The following NCAPD3 variants were observed in gnomAD, a reference collection of about 807,000 sequenced individuals.
NCAPD3 encodes the protein non-SMC condensin II complex subunit D3, also known as condensin-2 complex subunit D3.
NCAPD3 carries 105 observed loss-of-function variants against 182.9 expected under a neutral mutation model. The ratio of observed to expected loss-of-function variants is 0.57; its 90% CI spans 0.49 to 0.68. The LOEUF is 0.68. Among genes scored for constraint, NCAPD3 ranks in the 30% least tolerant of loss-of-function variants. The pLI is 0.00. For missense variants in NCAPD3, 1,944 were observed against 1,837.0 expected (o/e 1.06, Z -1.07); for synonymous variants, 815 against 679.9 (o/e 1.20, Z -3.09).
intron 3 of NCAPD3, among the ~76,000 whole-genome samples, chr11:134,213,337 T>C (rs1474398522): frequency 1.3e-5 from 2 of 151,390 alleles, no homozygotes; most frequent in Non-Finnish European, 2.9e-5. Context: ...CTTTTTTTTT[T>C]CTGAGACAGA....
At chr11:134,187,532 G>C (rs574966668) in intron 16 of NCAPD3, among the ~76,000 whole-genome samples, 8 of 152,190 alleles carry the variant, frequency 5.3e-5, no homozygotes, top group Non-Finnish European at 8.8e-5. Context: ...AGATTTCATA[G>C]AGCCTTCTGG....
At chr11:134,187,689 G>A (rs1293940199) in intron 16 of NCAPD3, among the ~76,000 whole-genome samples, 3 of 152,142 alleles carry the variant, frequency 2.0e-5, no homozygotes, top group Non-Finnish European at 4.4e-5. Flanking sequence ...AGGACAAAGA[G>A]GAAGAAATAA....
At position 134,166,851 on chromosome 11, in the gene NCAPD3, ACT is replaced by A. The variant is rs199661172; in HGVS notation, c.3573+1143_3573+1144del. Among the ~76,000 whole-genome samples, 9 of 117,866 alleles carry A rather than the reference ACT, an allele frequency of 7.6e-5. No homozygotes were observed. The East Asian group carries it at 2.3e-3, about 30-fold the overall frequency. 77.3% of individuals were successfully genotyped at this position (117,866 alleles called of 152,430 possible). On this transcript the variant is annotated intron_variant, in intron 27 of 34. Coordinates refer to ENST00000534548, the MANE Select transcript of NCAPD3 (RefSeq NM_015261.3). ...TGAGATGAGCTTGGGGGAGGCGCAC[ACT>A]CATGAGAGGAGCTTAGGGGAGGCGC...
At chr11:134,168,273 T>TG (rs780323502) in intron 26 of NCAPD3, 78 bp from the exon 27 acceptor site, 77 of 1,474,962 alleles carry the variant, frequency 5.2e-5, no homozygotes, top group Non-Finnish European at 7.0e-5. Flanking sequence ...TTCCCACAAC[T>TG]GGGGGGCCAT....
intron 32 of NCAPD3, among the ~76,000 whole-genome samples, chr11:134,155,624 C>A (rs909102925): frequency 2.6e-5 from 4 of 152,164 alleles, no homozygotes; most frequent in Non-Finnish European, 5.9e-5. Flanking sequence ...AGGAAACAAC[C>A]CAACACTGAC....
In NCAPD3 at chr11:134,220,611, G is replaced by T; in HGVS notation, c.180C>A (p.Ser60Arg). Reference sequence around the variant, plus strand: ...GTTCTCCAGTAGCAAAGGGTAAAAGGCTTTCATAGAGTTTTGTGAATGCAG... The same window carrying T: ...GTTCTCCAGTAGCAAAGGGTAAAAGTCTTTCATAGAGTTTTGTGAATGCAG... ...GLAAFTKLYE[S>R]LLPFATGEHG... Residue 60 changes from serine (S) to arginine (R), a missense_variant, in exon 2 of 35, where the codon AGC (serine) becomes AGA (arginine). By Grantham distance (110) the Ser-to-Arg change is moderately radical. Coordinates refer to ENST00000534548, the MANE Select transcript of NCAPD3 (RefSeq NM_015261.3). 1 of 1,613,966 alleles carries T rather than the reference G, an allele frequency of 6.2e-7. No homozygotes were observed.
intron 27 of NCAPD3, among the ~76,000 whole-genome samples, chr11:134,167,402 ACT>A (rs563424927): frequency 4.2e-4 from 42 of 100,996 alleles, no homozygotes; most frequent in African/African-American, 1.5e-3. Flanking sequence ...GGAGCTGCAC[ACT>A]CACTTGTGAG....
At position 134,161,826 on chromosome 11, in the gene NCAPD3, C is replaced by G; in HGVS notation, c.3639G>C (p.Glu1213Asp). The change falls in exon 28 of 35, where the codon GAG becomes GAC. Residue 1213 changes from glutamate to aspartate, a missense_variant. Transcript: ENST00000534548. The part of the protein sequence containing the change: ...PIIISLKTVL[E>D]KNKIPALREL... ...CCCGCAAAGCTGGGATCTTATTTTT[C>G]TCCAGCACAGTCTTCAGGGAGATGA... 1 of 1,595,980 alleles carries G rather than the reference C, an allele frequency of 6.3e-7. No homozygotes were observed. Among genetic ancestry groups the G allele is most frequent in the Non-Finnish European group, 8.6e-7 (1 of 1,166,642 alleles).
chr11:134,214,215 A>T (rs1281233288), intron 3 of NCAPD3, among the ~76,000 whole-genome samples: 1 of 152,192 alleles, frequency 6.6e-6, no homozygotes, highest in Non-Finnish European at 1.5e-5. Flanking sequence ...TCATAATCAT[A>T]TGAAGTATGT....
intron 16 of NCAPD3, among the ~76,000 whole-genome samples, chr11:134,186,366 T>TTCTC (rs374144345): frequency 1.3e-5 from 2 of 151,428 alleles, no homozygotes; most frequent in Non-Finnish European, 2.9e-5. Context: ...CCTGGCTAAT[T>TTCTC]TCTCTCTCTC....
Position 134,153,383 on chromosome 11 carries a change from C to G in NCAPD3, c.4253-20G>C. The G allele has an allele frequency of 6.2e-7, 1 of 1,613,536 alleles. No individual in the cohort carries two copies. The highest frequency in any genetic ancestry group is 8.5e-7 in the Non-Finnish European group (1 of 1,179,580). ...TGCTCTCTGCATAAAGAGGAGACAC[C>G]ACTGAGTGAAAGCCGCGTGGTCTAT... On this transcript the variant is annotated intron_variant, in intron 32 of 34. Coordinates refer to ENST00000534548, the MANE Select transcript of NCAPD3 (RefSeq NM_015261.3).
intron 19 of NCAPD3, among the ~76,000 whole-genome samples, chr11:134,183,638 T>C (rs1284153805): frequency 6.6e-6 from 1 of 152,160 alleles, no homozygotes; most frequent in Non-Finnish European, 1.5e-5. Flanking sequence ...AATCAAATAA[T>C]GCAAGTATCC....
chr11:134,212,435 C>T (rs562966985), intron 3 of NCAPD3, among the ~76,000 whole-genome samples: 13 of 145,038 alleles, frequency 9.0e-5, no homozygotes, highest in African/African-American at 3.4e-4. Context: ...GATCTGTTGC[C>T]CAGGCTGAAG....
chr11:134,204,058 G>C lies in NCAPD3; in HGVS notation c.1203C>G (p.Ser401=), dbSNP rs1291276737. The part of the protein sequence containing the change: ...AMFIAWLYKY[S]RSSKIPHRVF... ...AGCTATCTCCTACCTTGGAACTTCG[G>C]GAGTATTTGTAAAGCCAGGCAATGA... Residue 401 remains serine (S), a synonymous_variant, in exon 10 of 35, where the codon TCC becomes TCG. Transcript: ENST00000534548. This position sits in a 1 kb window ranked among gnomAD's most constrained non-coding sequence, Gnocchi z 4.3. 3.1e-6 allele frequency: 5 copies of C among 1,613,982 alleles called. No homozygotes were observed. The African/African-American group carries it at 5.3e-5, about 17-fold the overall frequency.
intron 15 of NCAPD3, among the ~76,000 whole-genome samples, chr11:134,193,637 C>T (rs1197865553): frequency 6.6e-6 from 1 of 152,192 alleles, no homozygotes; most frequent in African/African-American, 2.4e-5. Flanking sequence ...CCTGTAGTCC[C>T]AGCTACACAG....
At chr11:134,203,442 C>T (rs564878437) in intron 11 of NCAPD3, among the ~76,000 whole-genome samples, 14 of 152,184 alleles carry the variant, frequency 9.2e-5, no homozygotes, top group Non-Finnish European at 2.1e-4. Context: ...CAGATATGAA[C>T]ATCTGAAATA....
intron 27 of NCAPD3, among the ~76,000 whole-genome samples, chr11:134,167,329 G>A (rs1943864362): frequency 1.3e-5 from 1 of 74,262 alleles, no homozygotes; most frequent in African/African-American, 1.0e-4. Context: ...AAATGAGCCT[G>A]GGGGAGGCGC....
chr11:134,164,774 G>C (rs1431322664), intron 27 of NCAPD3, among the ~76,000 whole-genome samples: 17 of 151,490 alleles, frequency 1.1e-4, no homozygotes, highest in Non-Finnish European at 5.9e-5. Flanking sequence ...GCTTGGGGGA[G>C]CTGCACACTC....
chr11:134,196,472 T>C (rs968831916), intron 13 of NCAPD3, among the ~76,000 whole-genome samples: 73 of 151,778 alleles, frequency 4.8e-4, no homozygotes, highest in African/African-American at 1.7e-3. Flanking sequence ...GGTGAAACCC[T>C]ATCTCTACAA....
Sources: allele counts gnomAD v4.1 joint callset (sites outside exome capture counted in the v4.1 genomes callset), GRCh38; gene constraint gnomAD v4.1.1; non-coding constraint Gnocchi (gnomAD v3.1); transcripts MANE v1.5; gene names NCBI Gene and HGNC (gene_info 2026-07-23, HGNC 2026-07-21).